GRIK3: variants seen among roughly 807,000 people sequenced by gnomAD.
The protein encoded by GRIK3 is glutamate ionotropic receptor kainate type subunit 3.
GRIK3 carries 29 observed loss-of-function variants against 102.5 expected under a neutral mutation model. That is an observed-to-expected ratio of 0.28 (90% CI 0.21 to 0.39). The LOEUF (loss-of-function observed/expected upper bound fraction) is 0.39, where lower values mean the gene tolerates loss of function less well. Ranked by LOEUF, GRIK3 falls within the 10% of genes least tolerant of loss-of-function variation. GRIK3 has a pLI of 1.00. For synonymous variants in GRIK3, 511 were observed against 504.9 expected, an observed-to-expected ratio of 1.01 and a Z score of -0.16; for missense variants, 908 against 1,252.4, an observed-to-expected ratio of 0.73 and a Z score of 4.15.
Position 36,923,884 on chromosome 1 carries a change from T to C in GRIK3, c.116-32788A>G, listed in dbSNP as rs537766715. On this transcript the variant is annotated intron_variant, in intron 1 of 15. Transcript: ENST00000373091. ...GTCTATCTGGTTGGCTGTAAACACATGCATGTACACACACATGCACTGGCT... is the reference window on the plus strand; with the variant it reads ...GTCTATCTGGTTGGCTGTAAACACACGCATGTACACACACATGCACTGGCT... 3.3e-5 allele frequency among the ~76,000 whole-genome samples: 5 copies of C among 152,112 alleles called. 1 individual carries two copies. The highest frequency in any genetic ancestry group is 1.2e-4 in the African/African-American group (5 of 41,506).
At chr1:36,999,931 A>T (rs758029355) in intron 1 of GRIK3, among the ~76,000 whole-genome samples, 2 of 151,938 alleles carry the variant, frequency 1.3e-5, no homozygotes, top group Non-Finnish European at 2.9e-5. Flanking sequence ...TGGGAGGCAG[A>T]GGTTGTAGTG....
intron 1 of GRIK3, among the ~76,000 whole-genome samples, chr1:36,902,796 AC>A (rs1302080954): frequency 6.6e-6 from 1 of 150,764 alleles, no homozygotes; most frequent in Non-Finnish European, 1.5e-5. Flanking sequence ...ATGATGGACT[AC>A]TTTTTTTTTT....
At chr1:36,833,858 G>A (rs1283304657) in intron 10 of GRIK3, among the ~76,000 whole-genome samples, 1 of 152,154 alleles carries the variant, frequency 6.6e-6, no homozygotes, top group Non-Finnish European at 1.5e-5. Context: ...TGCATAACCA[G>A]TTGCCCTTCC....
chr1:36,988,458 C>T (rs1642329406), intron 1 of GRIK3, among the ~76,000 whole-genome samples: 1 of 152,226 alleles, frequency 6.6e-6, no homozygotes, highest in African/African-American at 2.4e-5. Flanking sequence ...ACACCCAAGC[C>T]CGCCCAGAGG....
intron 14 of GRIK3, 149 bp from the exon 15 acceptor site, chr1:36,805,386 C>T (rs2124176840): frequency 4.2e-6 from 3 of 722,390 alleles, no homozygotes; most frequent in Non-Finnish European, 4.5e-6. Context: ...CCCTTTAAAT[C>T]GACGCATGGT....
Position 36,853,640 on chromosome 1 carries a change from CTGA to C in GRIK3, c.1184_1186del (p.Ile395del). 6.2e-7 allele frequency: 1 copy of C among 1,612,850 alleles called. No homozygotes were observed. The highest frequency in any genetic ancestry group is 8.5e-7 in the Non-Finnish European group (1 of 1,179,020). On this transcript the variant is annotated inframe_deletion, in exon 8 of 16. Coordinates refer to ENST00000373091, the MANE Select transcript of GRIK3 (RefSeq NM_000831.4). The stretch of plus-strand genomic sequence containing the variant: ...CTTCTCCAGGCCATCCTCTTTCAGG[CTGA>C]TGATGTCCAGATCAAAATCCGTCCG...
chr1:36,825,724 G>A lies in GRIK3; in HGVS notation c.1633C>T (p.Arg545Ter). The A allele has an allele frequency of 1.2e-6, 2 of 1,613,984 alleles. No homozygotes were observed. The highest frequency in any genetic ancestry group is 1.7e-6 in the Non-Finnish European group (2 of 1,179,910). ...FMTLGVSILY[R>*]KPNGTNPSVF... ...CTGGGGTTGGTGCCATTGGGCTTTCGATACAGGATGCTCACACCAAGTGTC... is the reference window on the plus strand; with the variant it reads ...CTGGGGTTGGTGCCATTGGGCTTTCAATACAGGATGCTCACACCAAGTGTC... The change falls in exon 11 of 16, where the codon CGA becomes TGA. Residue 545 changes from arginine to a stop codon, truncating the protein, a stop_gained. Coordinates refer to ENST00000373091, the MANE Select transcript of GRIK3 (RefSeq NM_000831.4). LOFTEE classifies it high-confidence loss of function.
At chr1:36,814,342 G>C (rs1642596168) in intron 13 of GRIK3, among the ~76,000 whole-genome samples, 1 of 152,154 alleles carries the variant, frequency 6.6e-6, no homozygotes, top group Non-Finnish European at 1.5e-5. Context: ...GAGATGCTCT[G>C]GCACAAAGGG....
At chr1:36,932,535 CA>C (rs1641607487) in intron 1 of GRIK3, among the ~76,000 whole-genome samples, 1 of 152,180 alleles carries the variant, frequency 6.6e-6, no homozygotes, top group Non-Finnish European at 1.5e-5. Flanking sequence ...AGTGAAAGAC[CA>C]CAGAGGCAAC....
intron 1 of GRIK3, among the ~76,000 whole-genome samples, chr1:36,926,879 G>C (rs527418490): frequency 3.0e-4 from 45 of 152,314 alleles, no homozygotes; most frequent in African/African-American, 1.1e-3. Flanking sequence ...AGTCTGTAGA[G>C]TTCTCCTGGG....
intron 1 of GRIK3, among the ~76,000 whole-genome samples, chr1:37,032,381 C>A (rs1642837482): frequency 6.6e-6 from 1 of 152,108 alleles, no homozygotes; most frequent in South Asian, 2.1e-4. Context: ...GCAAATAGCA[C>A]CCTCTCAGTC....
intron 9 of GRIK3, among the ~76,000 whole-genome samples, chr1:36,848,365 T>C (rs1358570103): frequency 6.6e-6 from 1 of 152,216 alleles, no homozygotes; most frequent in African/African-American, 2.4e-5. Context: ...TTACCTTTTT[T>C]TAATCTTGCC....
At chr1:36,957,418 G>A (rs1306944302) in intron 1 of GRIK3, among the ~76,000 whole-genome samples, 6 of 143,684 alleles carry the variant, frequency 4.2e-5, no homozygotes, top group African/African-American at 1.6e-4. Flanking sequence ...GAGCCTGTGT[G>A]CCCCATGAGC....
rs1388525293 is a variant in GRIK3 at position 37,020,795 on chromosome 1, T to C, written c.115+13199A>G. Among the ~76,000 whole-genome samples, 7 of 152,150 alleles carry C rather than the reference T, an allele frequency of 4.6e-5. No individual in the cohort carries two copies. The East Asian group carries it at 1.4e-3, about 29-fold the overall frequency. ...ATGCCTGTTTAGCAAGACCTTACAATAACCCCACCACCCATACTAGAAAAG... is the reference window on the plus strand; with the variant it reads ...ATGCCTGTTTAGCAAGACCTTACAACAACCCCACCACCCATACTAGAAAAG... On this transcript the variant is annotated intron_variant, in intron 1 of 15. Transcript: ENST00000373091.
rs976029895 is a variant in GRIK3 at position 36,819,866 on chromosome 1, G to A, written c.1755-12C>T. ...CATAAGGGCTGAACCTGCCACAGGA[G>A]GAGAGGGACAGTCAGCCTGGGAAGC... On this transcript the variant is annotated splice_polypyrimidine_tract_variant and intron_variant, in intron 11 of 15. Coordinates refer to ENST00000373091, the MANE Select transcript of GRIK3 (RefSeq NM_000831.4). The surrounding 1 kb of genome is among the most constrained non-coding windows in gnomAD (Gnocchi z 4.1). 7.1e-7 allele frequency: 1 copy of A among 1,402,764 alleles called. No homozygotes were observed. Among genetic ancestry groups the A allele is most frequent in the Non-Finnish European group, 1.0e-6 (1 of 998,264 alleles). 86.9% of individuals were successfully genotyped at this position (1,402,764 alleles called of 1,614,324 possible). A position where few individuals can be genotyped will look rare whatever the true frequency, so the allele number is the denominator to read the frequency against.
chr1:36,999,342 C>T (rs1642452002), intron 1 of GRIK3, among the ~76,000 whole-genome samples: 1 of 152,030 alleles, frequency 6.6e-6, no homozygotes, highest in Non-Finnish European at 1.5e-5. Flanking sequence ...AGAGCAGATG[C>T]TGCTTTCTCA....
At chr1:37,025,311 G>A (rs1027078454) in intron 1 of GRIK3, among the ~76,000 whole-genome samples, 24 of 152,192 alleles carry the variant, frequency 1.6e-4, no homozygotes, top group African/African-American at 5.8e-4. Flanking sequence ...CCAGATGAGC[G>A]GCATCATCAT....
intron 11 of GRIK3, among the ~76,000 whole-genome samples, chr1:36,820,913 G>T (rs1218363131): frequency 6.6e-6 from 1 of 152,182 alleles, no homozygotes; most frequent in East Asian, 1.9e-4. Flanking sequence ...GTGAGTTCCA[G>T]TTGAGGATAT....
chr1:36,879,602 C>T (rs1640943595), intron 3 of GRIK3, among the ~76,000 whole-genome samples: 1 of 152,194 alleles, frequency 6.6e-6, no homozygotes, highest in South Asian at 2.1e-4. Context: ...TCTGGGCCCT[C>T]TCTAAGGGCC....
Sources: gnomAD v4.1 joint callset for allele counts (sites outside exome capture counted in the v4.1 genomes callset) on GRCh38, gnomAD v4.1.1 for gene constraint, Gnocchi (gnomAD v3.1) non-coding constraint, MANE v1.5 for transcripts, NCBI Gene and HGNC (gene_info 2026-07-23, HGNC 2026-07-21) for gene names.